SCP2: variants seen among roughly 807,000 people sequenced by gnomAD.
The protein encoded by SCP2 is SCP-2/3-oxoacyl-CoA thiolase.
In SCP2, 48 loss-of-function variants were observed where a neutral mutation model predicts 71.4. That is an observed-to-expected ratio of 0.67 (90% CI 0.53 to 0.86). The LOEUF (loss-of-function observed/expected upper bound fraction) is 0.86. Ranked by LOEUF, SCP2 falls within the 40% of genes least tolerant of loss-of-function variation. The pLI, the probability that SCP2 is intolerant of heterozygous loss-of-function variation, is 0.00. For synonymous variants in SCP2, 220 were observed against 218.1 expected, an observed-to-expected ratio of 1.01 and a Z score of -0.08; for missense variants, 560 against 655.6, an observed-to-expected ratio of 0.85 and a Z score of 1.59.
intron 11 of SCP2, chr1:52,995,138 C>T (rs1382237440): frequency 4.0e-6 from 2 of 496,338 alleles, no homozygotes; most frequent in Non-Finnish European, 8.1e-6. Flanking sequence ...CTGACCCACT[C>T]AATGGGCTCT....
intron 7 of SCP2, among the ~76,000 whole-genome samples, chr1:52,975,772 A>C (rs72899325): frequency 0.017 from 2,574 of 152,308 alleles, 44 homozygotes; most frequent in African/African-American, 0.057. Context: ...TTTAATCCCC[A>C]ACTGGTCTAA....
chr1:53,033,047 A>T, intron 13 of SCP2, among the ~76,000 whole-genome samples: 1 of 152,226 alleles, frequency 6.6e-6, no homozygotes, highest in East Asian at 1.9e-4. Context: ...CACTTAAAAG[A>T]AAAACCTGAC....
intron 3 of SCP2, among the ~76,000 whole-genome samples, chr1:52,950,309 A>G (rs1206550593): frequency 1.3e-5 from 2 of 151,964 alleles, no homozygotes; most frequent in Admixed American, 1.3e-4. Flanking sequence ...TTTAGTAGAG[A>G]TGGAGTTTCA....
At position 52,941,849 on chromosome 1, in the gene SCP2, A is replaced by G; in HGVS notation, c.123A>G (p.Glu41=). The part of the protein sequence containing the change: ...NSRDYPDLAE[E]AGKKALADAQ... ...GAGACTACCCTGACTTGGCAGAAGA[A>G]GCAGGTAACATAGAACATTTAGATC... Residue 41 remains glutamate (E), a synonymous_variant, in exon 2 of 16, where the codon GAA becomes GAG. Transcript: ENST00000371514. 6.2e-7 allele frequency: 1 copy of G among 1,601,922 alleles called. No individual in the cohort carries two copies.
At chr1:52,989,705 C>T (rs76441238) in intron 11 of SCP2, among the ~76,000 whole-genome samples, 9 of 152,000 alleles carry the variant, frequency 5.9e-5, no homozygotes, top group Non-Finnish European at 7.4e-5. Context: ...AGGCAATTGT[C>T]GAGAAAAATC....
Position 52,927,297 on chromosome 1 carries a change from C to T in SCP2, c.-100C>T, listed in dbSNP as rs1652501874. 2 of 1,050,738 alleles carry T rather than the reference C, an allele frequency of 1.9e-6. No individual in the cohort carries two copies. Among genetic ancestry groups the T allele is most frequent in the Non-Finnish European group, 1.4e-6 (1 of 702,468 alleles). The allele number at this position is 1,050,738 out of a possible 1,614,324, so 65.1% of individuals were successfully genotyped here. ...TCTCACGCGCCTGTGTTGCCGCCCGCGGCCCTGGCTTCGGGCTTCAGGGAG... is the reference window on the plus strand; with the variant it reads ...TCTCACGCGCCTGTGTTGCCGCCCGTGGCCCTGGCTTCGGGCTTCAGGGAG... On this transcript the variant is annotated 5_prime_UTR_variant, in exon 1 of 16. Transcript: ENST00000371514.
chr1:52,946,546 G>C (rs989570844), intron 2 of SCP2, among the ~76,000 whole-genome samples: 2 of 152,060 alleles, frequency 1.3e-5, no homozygotes, highest in Non-Finnish European at 2.9e-5. Flanking sequence ...CACCCGTAGA[G>C]TCTCATTGGC....
Position 53,003,010 on chromosome 1 carries a change from C to A in SCP2, c.1082-11880C>A, listed in dbSNP as rs575776649. 8.1e-4 allele frequency among the ~76,000 whole-genome samples: 123 copies of A among 152,234 alleles called. 1 individual carries two copies. The highest frequency in any genetic ancestry group is 2.8e-3 in the Admixed American group (43 of 15,290). The stretch of plus-strand genomic sequence containing the variant: ...CTTTTCACCAAAATTTCTTTTTTAC[C>A]TTTCATCATATCCTCCAGGCCACCC... On this transcript the variant is annotated intron_variant, in intron 11 of 15. Coordinates refer to ENST00000371514, the MANE Select transcript of SCP2 (RefSeq NM_002979.5).
At chr1:53,037,780 C>A (rs978217531) in intron 13 of SCP2, among the ~76,000 whole-genome samples, 3 of 151,728 alleles carry the variant, frequency 2.0e-5, no homozygotes, top group African/African-American at 7.3e-5. Context: ...GGTGGCTAAC[C>A]CCTGTATCCC....
chr1:52,960,998 C>T (rs922131800), intron 5 of SCP2, among the ~76,000 whole-genome samples: 21 of 151,340 alleles, frequency 1.4e-4, no homozygotes, highest in African/African-American at 9.7e-5. Context: ...GTGATCCACC[C>T]GTCTCAGCCT....
At chr1:53,031,029 G>A (rs1477963491) in intron 13 of SCP2, among the ~76,000 whole-genome samples, 1 of 151,694 alleles carries the variant, frequency 6.6e-6, no homozygotes, top group African/African-American at 2.4e-5. Flanking sequence ...TAAAGTCTCG[G>A]CTTAAAAGTT....
At position 53,002,403 on chromosome 1, in the gene SCP2, G is replaced by C. The variant is rs113140835; in HGVS notation, c.1082-12487G>C. ...CATTTGTTTAATGTGGGAAGAATTA[G>C]GATCATTAGGAAGAATTCATTGGAA... On this transcript the variant is annotated intron_variant, in intron 11 of 15. Coordinates refer to ENST00000371514, the MANE Select transcript of SCP2 (RefSeq NM_002979.5). 3.3e-5 allele frequency among the ~76,000 whole-genome samples: 5 copies of C among 152,242 alleles called. 1 individual carries two copies. Among genetic ancestry groups the C allele is most frequent in the African/African-American group, 1.2e-4 (5 of 41,550 alleles).
intron 15 of SCP2, chr1:53,049,665 T>G (rs1425194924): frequency 6.6e-6 from 1 of 152,206 alleles, no homozygotes; most frequent in Non-Finnish European, 1.5e-5. Context: ...CAATATATTG[T>G]GTTCTGAGAC....
intron 11 of SCP2, among the ~76,000 whole-genome samples, chr1:52,990,012 C>A (rs773160325): frequency 2.8e-4 from 43 of 152,144 alleles, no homozygotes; most frequent in Admixed American, 1.8e-3. Context: ...CCACATTATG[C>A]AGGTAGAGGT....
At chr1:53,036,083 A>G (rs1662928855) in intron 13 of SCP2, among the ~76,000 whole-genome samples, 1 of 151,178 alleles carries the variant, frequency 6.6e-6, no homozygotes. Flanking sequence ...CTTGTTGATA[A>G]CAATCAACAG....
chr1:52,928,153 C>G (rs1248648908), intron 1 of SCP2, among the ~76,000 whole-genome samples: 1 of 152,256 alleles, frequency 6.6e-6, no homozygotes, highest in Non-Finnish European at 1.5e-5. Context: ...CAGGACGCCT[C>G]GGATCCTCCT....
chr1:52,934,592 C>CTT (rs771433635), intron 1 of SCP2, among the ~76,000 whole-genome samples: 2,017 of 29,044 alleles, frequency 0.069, 870 homozygotes, highest in Non-Finnish European at 0.11. Flanking sequence ...TTCCAGCTAA[C>CTT]TTTTTTTTTT....
chr1:52,939,099 G>T (rs1421294018), intron 1 of SCP2, among the ~76,000 whole-genome samples: 1 of 152,026 alleles, frequency 6.6e-6, no homozygotes, highest in Non-Finnish European at 1.5e-5. Flanking sequence ...TGTATTTAAG[G>T]TTCTTCCATG....
intron 11 of SCP2, among the ~76,000 whole-genome samples, chr1:53,010,226 C>T (rs558281517): frequency 6.6e-6 from 1 of 152,294 alleles, no homozygotes; most frequent in East Asian, 1.9e-4. Context: ...GTGGCAATTC[C>T]TCAGGGATCT....
Sources: allele counts gnomAD v4.1 joint callset (sites outside exome capture counted in the v4.1 genomes callset), GRCh38; gene constraint gnomAD v4.1.1; transcripts MANE v1.5; gene names NCBI Gene and HGNC (gene_info 2026-07-23, HGNC 2026-07-21).